FHIT: variants seen among roughly 807,000 people sequenced by gnomAD.
FHIT encodes fragile histidine triad diadenosine triphosphatase.
A neutral mutation model predicts 17.9 loss-of-function variants in FHIT; 19 were observed. The ratio of observed to expected loss-of-function variants is 1.06; its 90% CI spans 0.74 to 1.56. FHIT has a LOEUF of 1.56. Ranked by LOEUF, FHIT falls within the 40% of genes most tolerant of loss-of-function variation. The pLI, the probability that FHIT is intolerant of heterozygous loss-of-function variation, is 0.00. For synonymous variants in FHIT, 81 were observed against 69.7 expected (o/e 1.16, Z -0.81); for missense variants, 248 against 189.2 (o/e 1.31, Z -1.82).
chr3:60,334,497 T>C (rs1710141037), intron 5 of FHIT, among the ~76,000 whole-genome samples: 1 of 152,188 alleles, frequency 6.6e-6, no homozygotes, highest in Admixed American at 6.5e-5. Flanking sequence ...TTTTAAAAAC[T>C]GATGTATTGG....
At chr3:60,567,041 A>G (rs561663698) in intron 4 of FHIT, among the ~76,000 whole-genome samples, 2 of 149,468 alleles carry the variant, frequency 1.3e-5, no homozygotes, top group Non-Finnish European at 3.0e-5. Flanking sequence ...TGCCCAAGGT[A>G]ATTTATAGAT....
intron 5 of FHIT, among the ~76,000 whole-genome samples, chr3:60,318,659 A>G (rs1051043228): frequency 6.6e-6 from 1 of 152,226 alleles, no homozygotes; most frequent in Non-Finnish European, 1.5e-5. Flanking sequence ...GCAGAATCGT[A>G]TAGTCCAGTT....
At chr3:60,700,441 T>C (rs952000842) in intron 4 of FHIT, among the ~76,000 whole-genome samples, 14 of 152,184 alleles carry the variant, frequency 9.2e-5, no homozygotes, top group Non-Finnish European at 1.5e-4. Flanking sequence ...TATTTAGTTA[T>C]TATTATTAGT....
chr3:60,447,060 T>C (rs1360224269), intron 5 of FHIT, among the ~76,000 whole-genome samples: 1 of 151,996 alleles, frequency 6.6e-6, no homozygotes, highest in Non-Finnish European at 1.5e-5. Flanking sequence ...TATGATTTTC[T>C]AGCTGCCTGT....
intron 5 of FHIT, among the ~76,000 whole-genome samples, chr3:60,107,164 TTTTTTTTTG>T (rs1289386405): frequency 2.4e-5 from 3 of 122,524 alleles, no homozygotes; most frequent in African/African-American, 2.9e-5. Flanking sequence ...TTTTTTTTTT[TTTTTTTTTG>T]TACACAAAGG....
At chr3:60,328,190 C>T (rs1709793051) in intron 5 of FHIT, among the ~76,000 whole-genome samples, 1 of 151,788 alleles carries the variant, frequency 6.6e-6, no homozygotes, top group African/African-American at 2.4e-5. Flanking sequence ...AGGGCAGGCA[C>T]TGAACACAGA....
chr3:60,227,775 G>C (rs1369050810), intron 5 of FHIT, among the ~76,000 whole-genome samples: 4 of 152,150 alleles, frequency 2.6e-5, no homozygotes, highest in Non-Finnish European at 5.9e-5. Context: ...TCTGTAGAAT[G>C]AAAGTGACTG....
At chr3:59,816,790 C>T (rs957828233) in intron 8 of FHIT, among the ~76,000 whole-genome samples, 1 of 152,214 alleles carries the variant, frequency 6.6e-6, no homozygotes, top group African/African-American at 2.4e-5. Context: ...GTTTTTCTCA[C>T]ATTTACGTCC....
At chr3:60,666,165 G>C (rs2040378186) in intron 4 of FHIT, among the ~76,000 whole-genome samples, 1 of 152,196 alleles carries the variant, frequency 6.6e-6, no homozygotes, top group East Asian at 1.9e-4. Context: ...TTTATTGTAT[G>C]TACCCACAAA....
At chr3:60,810,782 G>A (rs1701548904) in intron 4 of FHIT, among the ~76,000 whole-genome samples, 1 of 152,164 alleles carries the variant, frequency 6.6e-6, no homozygotes, top group Non-Finnish European at 1.5e-5. Context: ...GGAGCTTTCT[G>A]AGCCATGAAT....
chr3:59,989,513 C>T (rs1709133146), intron 7 of FHIT, among the ~76,000 whole-genome samples: 1 of 152,014 alleles, frequency 6.6e-6, no homozygotes, highest in Admixed American at 6.6e-5. Context: ...ATAACTACCT[C>T]ACCATGGCAC....
intron 4 of FHIT, among the ~76,000 whole-genome samples, chr3:60,731,358 A>G (rs890177701): frequency 9.2e-5 from 14 of 152,146 alleles, no homozygotes; most frequent in African/African-American, 3.1e-4. Flanking sequence ...AGTTTATTAG[A>G]AAGCTTTAGA....
At chr3:60,145,833 C>G (rs891301739) in intron 5 of FHIT, among the ~76,000 whole-genome samples, 7 of 152,166 alleles carry the variant, frequency 4.6e-5, no homozygotes, top group African/African-American at 1.7e-4. Context: ...CTTCGACAGT[C>G]ACCACTGCTT....
At chr3:60,839,748 C>T (rs932752273) in intron 3 of FHIT, among the ~76,000 whole-genome samples, 4 of 152,114 alleles carry the variant, frequency 2.6e-5, no homozygotes, top group Non-Finnish European at 4.4e-5. Context: ...TAGCTCACCC[C>T]ACCCCCTTAG....
chr3:60,390,431 CG>C (rs1701182629), intron 5 of FHIT, among the ~76,000 whole-genome samples: 3 of 124,848 alleles, frequency 2.4e-5, no homozygotes, highest in Admixed American at 8.0e-5. Flanking sequence ...AAAAAAAACC[CG>C]TACCCTCTAG....
chr3:60,672,874 C>CGTGTGTGTGTGTGTGT (rs71629109), intron 4 of FHIT, among the ~76,000 whole-genome samples: 1,472 of 139,496 alleles, frequency 0.011, 20 homozygotes, highest in Non-Finnish European at 0.016. Flanking sequence ...CTCTTTGTAG[C>CGTGTGTGTGTGTGTGT]GTGTGTGTGT....
intron 4 of FHIT, among the ~76,000 whole-genome samples, chr3:60,638,854 A>G (rs2039655261): frequency 6.6e-6 from 1 of 151,794 alleles, no homozygotes; most frequent in Non-Finnish European, 1.5e-5. Context: ...CTCAACAAAC[A>G]AATGTCATTT....
intron 4 of FHIT, among the ~76,000 whole-genome samples, chr3:60,633,084 C>T (rs781950550): frequency 5.9e-5 from 9 of 152,288 alleles, no homozygotes; most frequent in Non-Finnish European, 1.0e-4. Context: ...ATGCAAAATA[C>T]AACTGTAGAT....
intron 3 of FHIT, among the ~76,000 whole-genome samples, chr3:60,845,236 T>C (rs918159113): frequency 7.2e-5 from 11 of 152,042 alleles, no homozygotes; most frequent in Admixed American, 7.2e-4. Context: ...CTTAATCCAC[T>C]TTCTTAAAAA....
Sources: allele counts gnomAD v4.1 joint callset (sites outside exome capture counted in the v4.1 genomes callset), GRCh38; gene constraint gnomAD v4.1.1; transcripts MANE v1.5; gene names NCBI Gene and HGNC (gene_info 2026-07-23, HGNC 2026-07-21).